Variants in UGGT1 observed in about 807,000 individuals in gnomAD.
UGGT1 encodes the protein UDP-glucose glycoprotein glucosyltransferase 1.
In UGGT1, 107 loss-of-function variants were observed where a neutral mutation model predicts 203.9. The observed-to-expected ratio is 0.52, with a 90% CI of 0.45 to 0.62. UGGT1 has a LOEUF of 0.62. UGGT1 is among the 20% of genes least tolerant of loss of function. The pLI, the probability that UGGT1 is intolerant of heterozygous loss-of-function variation, is 0.00. For missense variants in UGGT1, 1,673 were observed against 1,867.2 expected, an observed-to-expected ratio of 0.90 and a Z score of 1.92; for synonymous variants, 628 against 653.5, an observed-to-expected ratio of 0.96 and a Z score of 0.59.
Position 128,173,873 on chromosome 2 carries a change from A to G in UGGT1, c.3387A>G (p.Gly1129=). ...YDITTGQPPR[G]LQFTLGTSAN... ...TCACCACAGGCCAGCCTCCACGGGG[A>G]CTACAGTTTACCTTAGGAACTTCAG... The change falls in exon 30 of 41, where the codon GGA becomes GGG. Residue 1129 remains glycine (G), a synonymous_variant. Coordinates refer to ENST00000259253, the MANE Select transcript of UGGT1 (RefSeq NM_020120.4). 6.2e-7 allele frequency: 1 copy of G among 1,614,164 alleles called. No individual in the cohort carries two copies. Among genetic ancestry groups the G allele is most frequent in the South Asian group, 1.1e-5 (1 of 91,080 alleles).
At chr2:128,167,888 C>T (rs1370733542) in intron 26 of UGGT1, among the ~76,000 whole-genome samples, 2 of 151,924 alleles carry the variant, frequency 1.3e-5, no homozygotes, top group Non-Finnish European at 2.9e-5. Flanking sequence ...TCACCTAGAA[C>T]ACTGCTGGCT....
rs1334456254 is a variant in UGGT1, at chr2:128,121,303, T to C, written c.1073+5T>C. ...GAATTTTCCTACCAAAGCCAGGTAA[T>C]GTAGAATAATGCTCTTCTCCTTAAC... On this transcript the variant is annotated splice_donor_5th_base_variant and intron_variant, in intron 10 of 40. Coordinates refer to ENST00000259253, the MANE Select transcript of UGGT1 (RefSeq NM_020120.4). 6.3e-7 allele frequency: 1 copy of C among 1,598,420 alleles called. No individual in the cohort carries two copies. Among genetic ancestry groups the C allele is most frequent in the Admixed American group, 1.7e-5 (1 of 58,364 alleles).
At chr2:128,095,125 T>C (rs1251493552) in intron 1 of UGGT1, among the ~76,000 whole-genome samples, 2 of 152,134 alleles carry the variant, frequency 1.3e-5, no homozygotes, top group African/African-American at 4.8e-5. Context: ...TCAGTAACTT[T>C]ACTAGATTCC....
At chr2:128,110,256 A>G (rs1243513456) in intron 5 of UGGT1, among the ~76,000 whole-genome samples, 3 of 152,222 alleles carry the variant, frequency 2.0e-5, no homozygotes, top group East Asian at 1.9e-4. Flanking sequence ...GCTATGTATC[A>G]TTTTGCTGAC....
chr2:128,097,599 A>C, intron 2 of UGGT1, 35 bp downstream of exon 2: 2 of 1,611,218 alleles, frequency 1.2e-6, no homozygotes, highest in South Asian at 2.2e-5. Flanking sequence ...CGTGTATTTG[A>C]GTATAAATAT....
chr2:128,159,425 G>T, intron 22 of UGGT1, 89 bp from the exon 23 acceptor site: 1 of 1,195,258 alleles, frequency 8.4e-7, no homozygotes. Flanking sequence ...GATATTATTT[G>T]CTACTTATTG....
At chr2:128,181,420 G>A (rs1691682366) in intron 36 of UGGT1, among the ~76,000 whole-genome samples, 1 of 152,204 alleles carries the variant, frequency 6.6e-6, no homozygotes, top group African/African-American at 2.4e-5. Context: ...ATTGTCATGG[G>A]TAATAGACGA....
intron 1 of UGGT1, among the ~76,000 whole-genome samples, chr2:128,097,147 C>T (rs1264835765): frequency 2.0e-5 from 3 of 152,096 alleles, no homozygotes; most frequent in Non-Finnish European, 2.9e-5. Context: ...GAGGCTGAGG[C>T]GGGCAGATCA....
In UGGT1 at chr2:128,181,932, G is replaced by A. The variant is rs138408998; in HGVS notation, c.4084-198G>A. The stretch of plus-strand genomic sequence containing the variant: ...TTTTATTCCTACTCCCACACACCTT[G>A]CTAAGAAGTGTCTTACATGTTAGTG... On this transcript the variant is annotated intron_variant, in intron 36 of 40. Coordinates refer to ENST00000259253, the MANE Select transcript of UGGT1 (RefSeq NM_020120.4). 2.8e-3 allele frequency among the ~76,000 whole-genome samples: 429 copies of A among 152,274 alleles called. 2 individuals are homozygous for A. The highest frequency in any genetic ancestry group is 9.4e-3 in the African/African-American group (390 of 41,554).
intron 10 of UGGT1, among the ~76,000 whole-genome samples, chr2:128,121,896 A>G (rs1429257647): frequency 6.6e-6 from 1 of 152,226 alleles, no homozygotes; most frequent in Non-Finnish European, 1.5e-5. Context: ...AACGAGAATT[A>G]AAATACCTGC....
intron 40 of UGGT1, 136 bp downstream of exon 40, chr2:128,187,750 A>G (rs1043221824): frequency 2.0e-6 from 2 of 984,070 alleles, no homozygotes; most frequent in African/African-American, 1.7e-5. Flanking sequence ...ATCAACCAGT[A>G]TATATTTTTC....
At chr2:128,129,646 A>G (rs1046765409) in intron 13 of UGGT1, among the ~76,000 whole-genome samples, 2 of 151,968 alleles carry the variant, frequency 1.3e-5, no homozygotes, top group African/African-American at 2.4e-5. Flanking sequence ...TGATACACCC[A>G]CCTCTGCCTC....
intron 2 of UGGT1, among the ~76,000 whole-genome samples, chr2:128,100,038 T>C (rs13403116): frequency 6.0e-4 from 57 of 95,232 alleles, no homozygotes; most frequent in South Asian, 9.1e-4. Flanking sequence ...CCACCCTACT[T>C]ATTTTTTTTG....
intron 12 of UGGT1, 150 bp from the exon 13 acceptor site, chr2:128,128,879 A>G (rs562560532): frequency 5.0e-4 from 348 of 699,108 alleles, no homozygotes; most frequent in Non-Finnish European, 7.4e-4. Context: ...GGGTTATTTT[A>G]TCCTCAATTT....
At chr2:128,189,140 G>A (rs929025345) in intron 40 of UGGT1, among the ~76,000 whole-genome samples, 5 of 152,188 alleles carry the variant, frequency 3.3e-5, no homozygotes, top group African/African-American at 1.2e-4. Context: ...TGATGAAACC[G>A]TTGTGGATGT....
intron 38 of UGGT1, 137 bp from the exon 39 acceptor site, chr2:128,186,546 G>A: frequency 5.6e-6 from 3 of 533,582 alleles, no homozygotes; most frequent in East Asian, 3.6e-5. Context: ...GGTGGAGGCT[G>A]CAGTGAGCCG....
chr2:128,161,080 G>C, intron 24 of UGGT1, 58 bp from the exon 25 acceptor site: 5 of 1,597,416 alleles, frequency 3.1e-6, no homozygotes, highest in Non-Finnish European at 4.3e-6. Context: ...TTCCTTACCA[G>C]CTTGCTGAGT....
rs1692250298 is a variant in UGGT1 at position 128,191,206 on chromosome 2, C to T, written c.*1464C>T. On this transcript the variant is annotated 3_prime_UTR_variant, in exon 41 of 41. Transcript: ENST00000259253. The stretch of plus-strand genomic sequence containing the variant: ...TGCAGATGGATACTGTGCCCTCACC[C>T]TCCTAAGCCAGGTAATATATTGATG... 6.6e-6 allele frequency: 1 copy of T among 152,226 alleles called. No individual in the cohort carries two copies. Among genetic ancestry groups the T allele is most frequent in the Non-Finnish European group, 1.5e-5 (1 of 68,042 alleles). The allele number at this position is 152,226 out of a possible 1,614,324, so 9.4% of individuals were successfully genotyped here.
chr2:128,139,394 C>A (rs2105445904), intron 16 of UGGT1, among the ~76,000 whole-genome samples: 1 of 152,190 alleles, frequency 6.6e-6, no homozygotes, highest in East Asian at 1.9e-4. Flanking sequence ...AATATTTTAA[C>A]TCTGCTTTTT....
Sources: gnomAD v4.1 joint callset for allele counts (sites outside exome capture counted in the v4.1 genomes callset) on GRCh38, gnomAD v4.1.1 for gene constraint, MANE v1.5 for transcripts, NCBI Gene and HGNC (gene_info 2026-07-23, HGNC 2026-07-21) for gene names.